The following NAPSA variants were observed in gnomAD, a reference collection of about 807,000 sequenced individuals.
NAPSA encodes napsin A aspartic peptidase, also known as napsin-A.
In NAPSA, 37 loss-of-function variants were observed where a neutral mutation model predicts 36.7. The observed-to-expected ratio is 1.01, with a 90% confidence interval of 0.78 to 1.33. The LOEUF (loss-of-function observed/expected upper bound fraction) is 1.33. Ranked by LOEUF, NAPSA falls within the 40% of genes most tolerant of loss-of-function variation. The probability of loss-of-function intolerance (pLI) is 0.00; values close to 1 mark genes in which losing one functional copy is unlikely to be tolerated. For missense variants in NAPSA, 532 were observed against 543.8 expected (o/e 0.98, Z 0.21); for synonymous variants, 222 against 234.5 (o/e 0.95, Z 0.49).
chr19:50,366,325 C>T (rs908129102), upstream of NAPSA, among the ~76,000 whole-genome samples: 2 of 151,990 alleles, frequency 1.3e-5, no homozygotes, highest in Non-Finnish European at 2.9e-5. Context: ...GTCTAGAACT[C>T]CCGACCTCAG....
At chr19:50,365,705 C>T, upstream of NAPSA, 2 of 1,181,946 alleles carry the variant, frequency 1.7e-6, no homozygotes, top group Non-Finnish European at 2.4e-6. Flanking sequence ...TGCCCCACCT[C>T]CAGGTTTAGA....
chr19:50,364,005 A>G (rs58019301), intron 1 of NAPSA, among the ~76,000 whole-genome samples: 1,641 of 152,220 alleles, frequency 0.011, 31 homozygotes, highest in African/African-American at 0.035. Flanking sequence ...AGCTCATAGT[A>G]GGGTCTGCAG....
intron 1 of NAPSA, among the ~76,000 whole-genome samples, chr19:50,365,111 G>A (rs774616401): frequency 7.3e-5 from 11 of 151,692 alleles, no homozygotes; most frequent in South Asian, 2.1e-4. Context: ...CGAGGTGAGC[G>A]GATCACGAGG....
upstream of NAPSA, among the ~76,000 whole-genome samples, chr19:50,367,586 CTG>C (rs1347321200): frequency 8.7e-5 from 13 of 149,310 alleles, no homozygotes; most frequent in African/African-American, 3.1e-4. Context: ...CTCTCTGTCT[CTG>C]TCTCTCTCTC....
At chr19:50,368,964 G>A (rs1445424904), upstream of NAPSA, among the ~76,000 whole-genome samples, 1 of 152,232 alleles carries the variant, frequency 6.6e-6, no homozygotes, top group African/African-American at 2.4e-5. Flanking sequence ...CGTACTGGGA[G>A]ATCTCCTGCC....
Position 50,359,601 on chromosome 19 carries a change from CAGCACAGCCCTT to C in NAPSA, c.826_837del (p.Lys276_Ala279del), listed in dbSNP as rs1304767829. ...AGGGACGTGCCCGTATCCAGGATGG[CAGCACAGCCCTT>C]GGCACAGAGAGTCAGCCCTGGGCCC... On this transcript the variant is annotated inframe_deletion, in exon 7 of 9. Transcript: ENST00000253719. The C allele has an allele frequency of 6.2e-7, 1 of 1,614,240 alleles. No individual in the cohort carries two copies. The highest frequency in any genetic ancestry group is 1.7e-5 in the Admixed American group (1 of 60,028).
upstream of NAPSA, among the ~76,000 whole-genome samples, chr19:50,367,572 C>CTG (rs2037564963): frequency 6.6e-6 from 1 of 150,862 alleles, no homozygotes; most frequent in Non-Finnish European, 1.5e-5. Flanking sequence ...CTCTCTCTCT[C>CTG]TCTCTCTCTG....
At chr19:50,365,508 A>C (rs1341144852) in intron 1 of NAPSA, 31 bp downstream of exon 1, 1 of 1,600,846 alleles carries the variant, frequency 6.2e-7, no homozygotes, top group Middle Eastern at 1.7e-4. Context: ...AATCCCTCCT[A>C]AGGTTGGGGT....
rs1360505597 is a variant in NAPSA at position 50,364,191 on chromosome 19, C to T, written c.83+1348G>A. 4.6e-5 allele frequency among the ~76,000 whole-genome samples: 7 copies of T among 151,682 alleles called. No individual in the cohort carries two copies. The Admixed American group carries it at 4.6e-4, about 10-fold the overall frequency. On this transcript the variant is annotated intron_variant, in intron 1 of 8. Coordinates refer to ENST00000253719, the MANE Select transcript of NAPSA (RefSeq NM_004851.3). ...AAAAAATTAGCCGGGCATGGTGACT[C>T]ACGCCTGTAATCCCAGCACTTTCAG...
At chr19:50,365,014 TAATAA>T (rs1568588082) in intron 1 of NAPSA, among the ~76,000 whole-genome samples, 1 of 120,598 alleles carries the variant, frequency 8.3e-6, no homozygotes, top group Non-Finnish European at 1.6e-5. Context: ...TAATAATAAA[TAATAA>T]TAATAATAAT....
At chr19:50,365,437 G>C in intron 1 of NAPSA, 102 bp downstream of exon 1, 1 of 1,101,316 alleles carries the variant, frequency 9.1e-7, no homozygotes, top group Non-Finnish European at 1.4e-6. Flanking sequence ...TAGGGATCCT[G>C]GGTGCCAAGT....
At chr19:50,368,618 G>A (rs969977048), upstream of NAPSA, among the ~76,000 whole-genome samples, 40 of 152,062 alleles carry the variant, frequency 2.6e-4, no homozygotes, top group African/African-American at 9.7e-4. Flanking sequence ...TGTTTTCTCA[G>A]TCAGAGCACT....
chr19:50,358,999 A>G lies in NAPSA; in HGVS notation c.1035+12T>C, dbSNP rs1345753826. On this transcript the variant is annotated intron_variant, in intron 8 of 8. Transcript: ENST00000253719. The stretch of plus-strand genomic sequence containing the variant: ...ATGACGTCACTATGGCGTCATGGTG[A>G]TGGCCACCTACCTGGATGACGTAAT... The G allele has an allele frequency of 2.5e-6, 4 of 1,607,692 alleles. No homozygotes were observed. Among genetic ancestry groups the G allele is most frequent in the African/African-American group, 1.3e-5 (1 of 74,748 alleles).
intron 4 of NAPSA, chr19:50,361,449 C>G (rs2037472008): frequency 1.7e-6 from 1 of 600,254 alleles, no homozygotes; most frequent in South Asian, 2.1e-5. Context: ...CTCCTCCCCC[C>G]TGCTTGAGAA....
chr19:50,359,482 C>G (rs779211725), intron 7 of NAPSA, 21 bp downstream of exon 7: 1 of 1,613,890 alleles, frequency 6.2e-7, no homozygotes, highest in African/African-American at 1.3e-5. Flanking sequence ...CCAGCCCGTA[C>G]CCACCAGACT....
intron 5 of NAPSA, among the ~76,000 whole-genome samples, chr19:50,360,494 A>T (rs1276978347): frequency 6.6e-6 from 1 of 152,168 alleles, no homozygotes. Context: ...TCTGAGCATA[A>T]TACTGAACTT....
intron 1 of NAPSA, among the ~76,000 whole-genome samples, chr19:50,365,015 AAT>A (rs200434077): frequency 0.32 from 40,466 of 125,618 alleles, 6,076 homozygotes; most frequent in Admixed American, 0.38. Flanking sequence ...AATAATAAAT[AAT>A]AATAATAATA....
intron 7 of NAPSA, 164 bp from the exon 8 acceptor site, chr19:50,359,273 C>A: frequency 3.6e-6 from 3 of 835,134 alleles, no homozygotes; most frequent in Non-Finnish European, 5.6e-6. Context: ...CCAAGCAAAC[C>A]TGCATGATCG....
At chr19:50,366,833 A>ATT (rs201263037), upstream of NAPSA, among the ~76,000 whole-genome samples, 224 of 90,006 alleles carry the variant, frequency 2.5e-3, 5 homozygotes, top group South Asian at 0.033. Context: ...ACCCTGGCTA[A>ATT]ATTTTTTTTT....
Sources: allele counts gnomAD v4.1 joint callset (sites outside exome capture counted in the v4.1 genomes callset), GRCh38; gene constraint gnomAD v4.1.1; transcripts MANE v1.5; gene names NCBI Gene and HGNC (gene_info 2026-07-23, HGNC 2026-07-21).